The following TRAPPC10 variants were observed in gnomAD, a reference collection of about 807,000 sequenced individuals.
TRAPPC10 encodes TRAPP 130 kDa subunit.
A neutral mutation model predicts 125.5 loss-of-function variants in TRAPPC10; 23 were observed. The ratio of observed to expected loss-of-function variants is 0.18; its 90% CI spans 0.13 to 0.26. The LOEUF is 0.26. TRAPPC10 is among the 10% of genes least tolerant of loss of function. The pLI is 1.00. For synonymous variants in TRAPPC10, 509 were observed against 518.0 expected, an observed-to-expected ratio of 0.98 and a Z score of 0.24; for missense variants, 1,123 against 1,308.4, an observed-to-expected ratio of 0.86 and a Z score of 2.19.
intron 7 of TRAPPC10, among the ~76,000 whole-genome samples, chr21:44,066,264 G>A (rs2036444995): frequency 1.3e-5 from 2 of 152,208 alleles, no homozygotes; most frequent in South Asian, 2.1e-4. Context: ...ATGGAAACTA[G>A]CCCTGCTCTG....
rs187536787 is a variant in TRAPPC10, at chr21:44,074,016, A to C, written c.1039-308A>C. On this transcript the variant is annotated intron_variant, in intron 7 of 22. Transcript: ENST00000291574. ...AATTCTTTTTCTATATATATTTTTC[A>C]GATCTAGACCTGCAGAGGCTTTTTC... Among the ~76,000 whole-genome samples the C allele has an allele frequency of 4.6e-3, 706 of 152,192 alleles. 2 individuals are homozygous for C. The highest frequency in any genetic ancestry group is 7.6e-3 in the Non-Finnish European group (520 of 68,016).
intron 2 of TRAPPC10, among the ~76,000 whole-genome samples, chr21:44,035,607 G>C (rs1374914618): frequency 2.6e-5 from 4 of 152,020 alleles, no homozygotes; most frequent in African/African-American, 9.7e-5. Context: ...GTGAAACCCT[G>C]TCTCTTCTAA....
intron 6 of TRAPPC10, among the ~76,000 whole-genome samples, chr21:44,062,301 G>A (rs1373979857): frequency 6.6e-6 from 1 of 152,188 alleles, no homozygotes; most frequent in Non-Finnish European, 1.5e-5. Flanking sequence ...AATACAGGGA[G>A]GAATAAAGCA....
chr21:44,065,261 C>G (rs561189147), intron 7 of TRAPPC10, among the ~76,000 whole-genome samples: 1 of 152,094 alleles, frequency 6.6e-6, no homozygotes, highest in Non-Finnish European at 1.5e-5. Context: ...TCTGGAGTTC[C>G]CTTGTAGCGT....
At chr21:44,062,598 G>C in intron 6 of TRAPPC10, 1 of 984,842 alleles carries the variant, frequency 1.0e-6, no homozygotes, top group Non-Finnish European at 1.2e-6. Context: ...TACAGGGCTG[G>C]GTCCACTCCA....
chr21:44,041,851 C>T (rs1248563361), intron 3 of TRAPPC10, among the ~76,000 whole-genome samples: 2 of 151,946 alleles, frequency 1.3e-5, no homozygotes, highest in African/African-American at 2.4e-5. Context: ...CTCAGACTCC[C>T]AGTAGCTGGG....
At chr21:44,079,960 T>TC (rs373094068) in intron 12 of TRAPPC10, 55 bp from the exon 13 acceptor site, 46 of 1,489,536 alleles carry the variant, frequency 3.1e-5, no homozygotes, top group African/African-American at 1.5e-4. Context: ...TGCATCCACT[T>TC]CCCCCCGCAC....
chr21:44,029,661 C>T (rs976643200), intron 1 of TRAPPC10, among the ~76,000 whole-genome samples: 2 of 152,178 alleles, frequency 1.3e-5, no homozygotes, highest in East Asian at 3.8e-4. Context: ...CACAAATGCG[C>T]TGTGTCACAG....
chr21:44,036,952 A>G (rs2034027215), intron 2 of TRAPPC10, among the ~76,000 whole-genome samples: 3 of 152,314 alleles, frequency 2.0e-5, no homozygotes, highest in Middle Eastern at 6.8e-3. Flanking sequence ...GAAAAAGAAA[A>G]CTTGATTAAT....
intron 3 of TRAPPC10, among the ~76,000 whole-genome samples, chr21:44,038,266 G>A (rs747823339): frequency 1.7e-4 from 26 of 152,316 alleles, no homozygotes; most frequent in South Asian, 8.3e-4. Context: ...GGCGCCGAGC[G>A]TGGTCGTGTT....
At chr21:44,050,859 A>G (rs1014075082) in intron 3 of TRAPPC10, among the ~76,000 whole-genome samples, 11 of 152,240 alleles carry the variant, frequency 7.2e-5, no homozygotes, top group South Asian at 2.1e-4. Flanking sequence ...GGAACTTTCT[A>G]TTTAGTTAGT....
In TRAPPC10 at chr21:44,087,861, C is replaced by T; in HGVS notation, c.2702C>T (p.Ala901Val). ...LGGESDMLGM[A>V]EPHRKHKDKQ... is the part of the protein sequence containing the mutation. ...GGGGAGAGTGACATGCTGGGGATGGCAGAGCCCCACAGGAAGCATAAGGAC... is the reference window on the plus strand; with the variant it reads ...GGGGAGAGTGACATGCTGGGGATGGTAGAGCCCCACAGGAAGCATAAGGAC... Residue 901 changes from alanine to valine, a missense_variant, in exon 17 of 23, where the codon GCA becomes GTA. Physicochemically the swap from Ala to Val is moderately conservative, Grantham distance 64. Coordinates refer to ENST00000291574, the MANE Select transcript of TRAPPC10 (RefSeq NM_003274.5). This position sits in a 1 kb window ranked among gnomAD's most constrained non-coding sequence, Gnocchi z 4.6. 6.2e-7 allele frequency: 1 copy of T among 1,614,192 alleles called. No individual in the cohort carries two copies. Among genetic ancestry groups the T allele is most frequent in the Non-Finnish European group, 8.5e-7 (1 of 1,180,030 alleles).
intron 3 of TRAPPC10, among the ~76,000 whole-genome samples, chr21:44,047,473 A>G (rs2034916045): frequency 6.6e-6 from 1 of 151,562 alleles, no homozygotes. Flanking sequence ...CCTGATGTAG[A>G]ACATTTTTGG....
chr21:44,019,172 T>A (rs2299813), intron 1 of TRAPPC10, among the ~76,000 whole-genome samples: 1 of 151,940 alleles, frequency 6.6e-6, no homozygotes, highest in African/African-American at 2.4e-5. Flanking sequence ...TTCTCCCACC[T>A]CAATCTCCCG....
intron 3 of TRAPPC10, among the ~76,000 whole-genome samples, chr21:44,038,317 C>T (rs1384580793): frequency 1.3e-5 from 2 of 152,076 alleles, no homozygotes; most frequent in African/African-American, 4.8e-5. Flanking sequence ...CTGTGCCCCA[C>T]GGCTGCCAGG....
intron 1 of TRAPPC10, among the ~76,000 whole-genome samples, chr21:44,028,377 G>A (rs1301683643): frequency 6.6e-6 from 1 of 152,186 alleles, no homozygotes; most frequent in Non-Finnish European, 1.5e-5. Flanking sequence ...AGCGGCTCCA[G>A]GCGGCACCCT....
intron 1 of TRAPPC10, among the ~76,000 whole-genome samples, chr21:44,015,649 C>T (rs1480804865): frequency 2.0e-5 from 3 of 147,070 alleles, no homozygotes; most frequent in Non-Finnish European, 4.5e-5. Flanking sequence ...GAGTCTTGTT[C>T]TCTTGCCCAG....
chr21:44,043,953 G>A (rs2034595037), intron 3 of TRAPPC10, among the ~76,000 whole-genome samples: 1 of 152,228 alleles, frequency 6.6e-6, no homozygotes, highest in Admixed American at 6.5e-5. Flanking sequence ...ACCAGGTGGA[G>A]CAGAGACCTT....
intron 1 of TRAPPC10, among the ~76,000 whole-genome samples, chr21:44,027,173 C>CT (rs2033148202): frequency 6.6e-6 from 1 of 152,114 alleles, no homozygotes; most frequent in Non-Finnish European, 1.5e-5. Flanking sequence ...ATTCAGACTC[C>CT]TTATGTCAAG....
Sources: gnomAD v4.1 joint callset for allele counts (sites outside exome capture counted in the v4.1 genomes callset) on GRCh38, gnomAD v4.1.1 for gene constraint, Gnocchi (gnomAD v3.1) non-coding constraint, MANE v1.5 for transcripts, NCBI Gene and HGNC (gene_info 2026-07-23, HGNC 2026-07-21) for gene names.